The following CSMD3 variants were observed in gnomAD, a reference collection of about 807,000 sequenced individuals.
CSMD3 encodes the protein CUB and sushi domain-containing protein 3.
In CSMD3, 177 loss-of-function variants were observed where a neutral mutation model predicts 435.2. The ratio of observed to expected loss-of-function variants is 0.41; its 90% CI spans 0.36 to 0.46. The LOEUF is 0.46. CSMD3 is among the 20% of genes least tolerant of loss of function. The pLI is 0.34. For missense variants in CSMD3, 4,265 were observed against 4,504.6 expected (o/e 0.95, Z 1.52); for synonymous variants, 1,656 against 1,520.5 (o/e 1.09, Z -2.07).
rs1044544309 is a variant in CSMD3 at position 112,292,390 on chromosome 8, T to C, written c.8788+147A>G. ...CAAATTTAGAAAAAGGAAAGCATTG[T>C]TAATGAGATGACATCAGTATTAAAG... On this transcript the variant is annotated intron_variant, in intron 55 of 70. Coordinates refer to ENST00000297405, the MANE Select transcript of CSMD3 (RefSeq NM_198123.2). 1.1e-5 allele frequency: 7 copies of C among 648,944 alleles called. No individual in the cohort carries two copies. In the African/African-American group the frequency reaches 1.3e-4, roughly 12 times the overall value. The allele number at this position is 648,944 out of a possible 1,614,324, so 40.2% of individuals were successfully genotyped here.
chr8:112,385,611 C>G (rs1829870246), intron 36 of CSMD3, among the ~76,000 whole-genome samples: 1 of 152,052 alleles, frequency 6.6e-6, no homozygotes, highest in Non-Finnish European at 1.5e-5. Context: ...CAGTAAAAAA[C>G]AATGAGAGAC....
intron 3 of CSMD3, among the ~76,000 whole-genome samples, chr8:113,266,956 T>C (rs1407720231): frequency 2.0e-5 from 3 of 151,546 alleles, no homozygotes; most frequent in African/African-American, 7.3e-5. Flanking sequence ...AAATAGACAT[T>C]TCTCAAAAGA....
In CSMD3 at chr8:112,645,196, T is replaced by C; in HGVS notation, c.3223A>G (p.Ser1075Gly). ...ALCGGDVRGPSGTILSPGYPE... is the reference protein window; with the variant it reads ...ALCGGDVRGPGGTILSPGYPE... Reference sequence around the variant, plus strand: ...TAACCAGGTGATAAGATTGTTCCACTAGGCCCTCTAACATCTCCTCCACAT... The same window carrying C: ...TAACCAGGTGATAAGATTGTTCCACCAGGCCCTCTAACATCTCCTCCACAT... The change falls in exon 20 of 71, where the codon AGT (serine) becomes GGT (glycine). Residue 1075 changes from serine (S) to glycine (G), a missense_variant. Coordinates refer to ENST00000297405, the MANE Select transcript of CSMD3 (RefSeq NM_198123.2). 1 of 1,600,084 alleles carries C rather than the reference T, an allele frequency of 6.2e-7. No homozygotes were observed. Among genetic ancestry groups the C allele is most frequent in the Non-Finnish European group, 8.6e-7 (1 of 1,167,352 alleles).
intron 14 of CSMD3, among the ~76,000 whole-genome samples, chr8:112,687,209 A>G (rs2076032257): frequency 6.6e-6 from 1 of 151,968 alleles, no homozygotes; most frequent in South Asian, 2.1e-4. Flanking sequence ...AACAGTATAA[A>G]ATATTGTGAT....
intron 13 of CSMD3, among the ~76,000 whole-genome samples, chr8:112,696,909 G>T (rs1414479165): frequency 6.6e-6 from 1 of 152,082 alleles, no homozygotes; most frequent in Non-Finnish European, 1.5e-5. Flanking sequence ...TCACAAAGTG[G>T]GCAAAGGATA....
intron 6 of CSMD3, among the ~76,000 whole-genome samples, chr8:113,013,735 A>G (rs1348606414): frequency 6.6e-6 from 1 of 152,072 alleles, no homozygotes; most frequent in Non-Finnish European, 1.5e-5. Context: ...ACTGGGCTCA[A>G]GAGCCTGGGG....
At chr8:113,263,173 G>T (rs66890436) in intron 3 of CSMD3, among the ~76,000 whole-genome samples, 15,825 of 151,922 alleles carry the variant, frequency 0.1, 959 homozygotes, top group Middle Eastern at 0.17. Context: ...GTGAAATAAA[G>T]TCTTCAACTG....
At chr8:112,695,979 T>C (rs958250549) in intron 13 of CSMD3, among the ~76,000 whole-genome samples, 5 of 152,130 alleles carry the variant, frequency 3.3e-5, no homozygotes, top group African/African-American at 1.2e-4. Flanking sequence ...CCATTCACAA[T>C]TGCTTCAAAG....
chr8:113,213,039 G>A (rs371142798), intron 3 of CSMD3, among the ~76,000 whole-genome samples: 9 of 151,358 alleles, frequency 5.9e-5, no homozygotes, highest in South Asian at 2.1e-4. Context: ...ATTTCTTATC[G>A]CATTTATATA....
chr8:113,382,580 C>G (rs2094421089), intron 1 of CSMD3, among the ~76,000 whole-genome samples: 1 of 152,144 alleles, frequency 6.6e-6, no homozygotes, highest in Non-Finnish European at 1.5e-5. Flanking sequence ...AATGCAGAAT[C>G]AGAGAGTAAT....
chr8:113,075,732 T>C (rs1445992043), intron 5 of CSMD3, among the ~76,000 whole-genome samples: 2 of 151,828 alleles, frequency 1.3e-5, no homozygotes, highest in East Asian at 1.9e-4. Flanking sequence ...TTATCCAATA[T>C]TATTAGAACA....
chr8:113,366,295 T>C (rs2094310819), intron 1 of CSMD3, among the ~76,000 whole-genome samples: 2 of 151,996 alleles, frequency 1.3e-5, no homozygotes, highest in Admixed American at 6.6e-5. Flanking sequence ...ATATTCTTTA[T>C]AGGACACAAG....
At chr8:113,311,452 G>GT (rs2093868162) in intron 2 of CSMD3, 1 of 151,906 alleles carries the variant, frequency 6.6e-6, no homozygotes, top group Non-Finnish European at 1.5e-5. Flanking sequence ...CAAGACAAGT[G>GT]TAAGAAGCCA....
rs557859731 is a variant in CSMD3 at position 112,464,819 on chromosome 8, C to A, written c.5395+7772G>T. ...CTCAGATACAGTTATTCCTGGGGATCCCACTAAATTTCAATAAGGCACACC... is the reference window on the plus strand; with the variant it reads ...CTCAGATACAGTTATTCCTGGGGATACCACTAAATTTCAATAAGGCACACC... On this transcript the variant is annotated intron_variant, in intron 32 of 70. Coordinates refer to ENST00000297405, the MANE Select transcript of CSMD3 (RefSeq NM_198123.2). Among the ~76,000 whole-genome samples the A allele has an allele frequency of 2.6e-5, 4 of 152,150 alleles. No individual in the cohort carries two copies. In the East Asian group the frequency reaches 7.7e-4, roughly 29 times the overall value.
intron 13 of CSMD3, among the ~76,000 whole-genome samples, chr8:112,753,558 T>C (rs1406093685): frequency 6.6e-6 from 1 of 152,170 alleles, no homozygotes; most frequent in African/African-American, 2.4e-5. Flanking sequence ...TGTGCAGAAA[T>C]GTTTCAGGAG....
intron 13 of CSMD3, among the ~76,000 whole-genome samples, chr8:112,790,792 T>C (rs1480700564): frequency 2.0e-5 from 3 of 152,184 alleles, no homozygotes; most frequent in Non-Finnish European, 2.9e-5. Context: ...CTTGCCTTTT[T>C]AATTGTTGAA....
At chr8:112,305,233 A>T (rs1473706286) in intron 51 of CSMD3, among the ~76,000 whole-genome samples, 1 of 152,048 alleles carries the variant, frequency 6.6e-6, no homozygotes, top group Non-Finnish European at 1.5e-5. Flanking sequence ...TTTTGAGGAA[A>T]TTTTTTTGAT....
At chr8:112,954,825 A>C in intron 7 of CSMD3, 64 bp from the exon 8 acceptor site, 2 of 1,046,606 alleles carry the variant, frequency 1.9e-6, no homozygotes, top group Non-Finnish European at 2.9e-6. Context: ...AATTCAAGTT[A>C]ACAAATTTTG....
At chr8:113,027,084 G>C (rs2086902630) in intron 5 of CSMD3, among the ~76,000 whole-genome samples, 1 of 152,142 alleles carries the variant, frequency 6.6e-6, no homozygotes, top group African/African-American at 2.4e-5. Flanking sequence ...CCTGGGGATG[G>C]AGGAAATTAC....
Sources: allele counts gnomAD v4.1 joint callset (sites outside exome capture counted in the v4.1 genomes callset), GRCh38; gene constraint gnomAD v4.1.1; transcripts MANE v1.5; gene names NCBI Gene and HGNC (gene_info 2026-07-23, HGNC 2026-07-21).